The following VPS13D variants were observed in gnomAD, a reference collection of about 807,000 sequenced individuals.
VPS13D encodes vacuolar protein sorting 13 homolog D.
In VPS13D, 187 loss-of-function variants were observed where a neutral mutation model predicts 461.9. The observed-to-expected ratio is 0.40, with a 90% CI of 0.36 to 0.46. VPS13D has a LOEUF of 0.46. Among genes scored for constraint, VPS13D ranks in the 20% least tolerant of loss-of-function variants. The pLI is 0.60. For synonymous variants in VPS13D, 1,951 were observed against 1,986.3 expected, an observed-to-expected ratio of 0.98 and a Z score of 0.47; for missense variants, 4,711 against 5,364.9, an observed-to-expected ratio of 0.88 and a Z score of 3.81.
intron 65 of VPS13D, among the ~76,000 whole-genome samples, chr1:12,432,609 CTT>C (rs758179241): frequency 2.1e-4 from 30 of 139,740 alleles, no homozygotes; most frequent in Admixed American, 3.6e-4. Flanking sequence ...AATCCTTTCC[CTT>C]TTTTTTTTTT....
At chr1:12,478,699 A>T (rs1645669618) in intron 67 of VPS13D, 1 of 443,194 alleles carries the variant, frequency 2.3e-6, no homozygotes, top group Non-Finnish European at 4.6e-6. Flanking sequence ...AGGCACGGTG[A>T]TGTTTCTCTC....
At chr1:12,451,507 G>C (rs1250341047) in intron 65 of VPS13D, among the ~76,000 whole-genome samples, 7 of 152,168 alleles carry the variant, frequency 4.6e-5, no homozygotes, top group Non-Finnish European at 1.0e-4. Context: ...ATTTTAGCTA[G>C]AACAACATGC....
intron 67 of VPS13D, among the ~76,000 whole-genome samples, chr1:12,468,628 G>C (rs1256579055): frequency 6.6e-6 from 1 of 152,176 alleles, no homozygotes; most frequent in African/African-American, 2.4e-5. Flanking sequence ...TATTTATCTG[G>C]TACTCTTTTG....
chr1:12,425,913 A>G (rs978036175), intron 65 of VPS13D, among the ~76,000 whole-genome samples: 1 of 152,248 alleles, frequency 6.6e-6, no homozygotes, highest in Non-Finnish European at 1.5e-5. Context: ...ACCAAACTCA[A>G]AAGGTTGTAG....
At chr1:12,294,551 C>T (rs546113960) in intron 24 of VPS13D, among the ~76,000 whole-genome samples, 9 of 152,232 alleles carry the variant, frequency 5.9e-5, no homozygotes, top group East Asian at 1.9e-4. Context: ...TGGTGGCTCA[C>T]GCCTGTAAAT....
chr1:12,395,125 A>G (rs959207914), intron 60 of VPS13D, among the ~76,000 whole-genome samples: 4 of 152,260 alleles, frequency 2.6e-5, no homozygotes, highest in East Asian at 3.9e-4. Flanking sequence ...AGGAGAATCA[A>G]CATTACTTTG....
At chr1:12,314,879 T>C (rs988870932) in intron 30 of VPS13D, among the ~76,000 whole-genome samples, 1 of 152,256 alleles carries the variant, frequency 6.6e-6, no homozygotes, top group Non-Finnish European at 1.5e-5. Context: ...TCTCCTATTA[T>C]CTAGCTATGT....
At chr1:12,374,981 G>C (rs954591183) in intron 55 of VPS13D, among the ~76,000 whole-genome samples, 2 of 152,140 alleles carry the variant, frequency 1.3e-5, no homozygotes, top group Admixed American at 6.5e-5. Context: ...CAGGTAATCC[G>C]CCTGCCTTGG....
In VPS13D at chr1:12,308,646, G is replaced by GT. The variant is rs774422115; in HGVS notation, c.6650+6dup. ...GGTGGAAAGGAATTTGGACAAGTGA[G>GT]TGTTTTTTTTTTTTTTTGAGATGGA... On this transcript the variant is annotated splice_donor_region_variant and intron_variant, in intron 27 of 69. Transcript: ENST00000620676. 6.3e-7 allele frequency: 1 copy of GT among 1,590,056 alleles called. No individual in the cohort carries two copies. The highest frequency in any genetic ancestry group is 8.6e-7 in the Non-Finnish European group (1 of 1,163,356).
chr1:12,402,734 A>G (rs1215003577), intron 62 of VPS13D: 2 of 152,158 alleles, frequency 1.3e-5, no homozygotes, highest in East Asian at 3.8e-4. Context: ...CTTCCTGGGA[A>G]GTTTTACTTT....
At chr1:12,351,379 CT>C (rs1199053313) in intron 46 of VPS13D, among the ~76,000 whole-genome samples, 1 of 152,188 alleles carries the variant, frequency 6.6e-6, no homozygotes, top group East Asian at 1.9e-4. Flanking sequence ...CAACCTCCGC[CT>C]CTTGGATTCA....
At chr1:12,349,460 C>A in intron 46 of VPS13D, 86 bp downstream of exon 46, 1 of 1,221,992 alleles carries the variant, frequency 8.2e-7, no homozygotes, top group Non-Finnish European at 1.2e-6. Flanking sequence ...TCTAAAGACC[C>A]TTAGAGATTC....
chr1:12,285,990 T>TCCTTTCCTC (rs1557686514), intron 21 of VPS13D, among the ~76,000 whole-genome samples: 1 of 49,434 alleles, frequency 2.0e-5, no homozygotes, highest in Non-Finnish European at 4.1e-5. Context: ...TTCCTTTCCT[T>TCCTTTCCTC]TCCTCTCCTC....
chr1:12,351,863 A>G (rs1401309462), intron 46 of VPS13D, among the ~76,000 whole-genome samples: 1 of 151,400 alleles, frequency 6.6e-6, no homozygotes, highest in African/African-American at 2.4e-5. Flanking sequence ...AAGTGCTGGG[A>G]TTACAGGTGT....
chr1:12,362,396 A>G (rs994883739), intron 50 of VPS13D, among the ~76,000 whole-genome samples: 3 of 152,238 alleles, frequency 2.0e-5, no homozygotes, highest in African/African-American at 7.2e-5. Context: ...TCAGCTTCAT[A>G]AATGGAAACC....
chr1:12,307,788 G>A (rs1180959770), intron 26 of VPS13D, among the ~76,000 whole-genome samples: 5 of 152,050 alleles, frequency 3.3e-5, no homozygotes, highest in Non-Finnish European at 5.9e-5. Flanking sequence ...CACCGCTCCC[G>A]GCTTACAGAA....
chr1:12,285,929 C>CTTCCTTTCCTTTCCTTTCCT (rs57335089), intron 21 of VPS13D, among the ~76,000 whole-genome samples: 14 of 104,314 alleles, frequency 1.3e-4, no homozygotes, highest in African/African-American at 5.1e-4. Flanking sequence ...GAATTTCTTT[C>CTTCCTTTCCTTTCCTTTCCT]TTCCTTTCCT....
At chr1:12,304,441 G>A in intron 25 of VPS13D, 65 bp from the exon 26 acceptor site, 1 of 1,433,016 alleles carries the variant, frequency 7.0e-7, no homozygotes. Context: ...TAAAGATAGA[G>A]TCCCACCACC....
chr1:12,376,492 A>G (rs1203604631), intron 55 of VPS13D, among the ~76,000 whole-genome samples: 1 of 152,250 alleles, frequency 6.6e-6, no homozygotes, highest in African/African-American at 2.4e-5. Context: ...ATGTACTAAT[A>G]AGCGTGTTAC....
Sources: gnomAD v4.1 joint callset for allele counts (sites outside exome capture counted in the v4.1 genomes callset) on GRCh38, gnomAD v4.1.1 for gene constraint, MANE v1.5 for transcripts, NCBI Gene and HGNC (gene_info 2026-07-23, HGNC 2026-07-21) for gene names.